TAF6: variants seen among roughly 807,000 people sequenced by gnomAD.
The protein encoded by TAF6 is transcription initiation factor TFIID subunit 6.
A neutral mutation model predicts 73.5 loss-of-function variants in TAF6; 50 were observed. The ratio of observed to expected loss-of-function variants is 0.68; its 90% CI spans 0.54 to 0.86. The LOEUF is 0.86. TAF6 is among the 40% of genes least tolerant of loss of function. The pLI, the probability that TAF6 is intolerant of heterozygous loss-of-function variation, is 0.00. For synonymous variants in TAF6, 424 were observed against 376.7 expected (o/e 1.13, Z -1.45); for missense variants, 768 against 899.5 (o/e 0.85, Z 1.87).
rs901087618 is a variant in TAF6, at chr7:100,119,304, T to C, written c.-160A>G. On this transcript the variant is annotated 5_prime_UTR_variant, in exon 1 of 15. Transcript: ENST00000453269. ...CCGAGCGCGGGGAGCAGGAAAACTC[T>C]AGCGGCAGCCGAGACGCTGCTCACC... The C allele has an allele frequency of 2.7e-4, 280 of 1,027,078 alleles. 1 individual carries two copies. The highest frequency in any genetic ancestry group is 4.6e-4 in the Admixed American group (8 of 17,460). The allele number at this position is 1,027,078 out of a possible 1,614,324, so 63.6% of individuals were successfully genotyped here. A position where few individuals can be genotyped will look rare whatever the true frequency, so the allele number is the denominator to read the frequency against.
rs1283387332 is a variant in TAF6, at chr7:100,107,172, GAGCA to G, written c.*70_*73del. 6.4e-5 allele frequency: 97 copies of G among 1,508,500 alleles called. No homozygotes were observed. In the South Asian group the frequency reaches 7.9e-4, roughly 12 times the overall value. The allele number at this position is 1,508,500 out of a possible 1,614,324, so 93.4% of individuals were successfully genotyped here. A position where few individuals can be genotyped will look rare whatever the true frequency, so the allele number is the denominator to read the frequency against. The stretch of plus-strand genomic sequence containing the variant: ...AATCTACAACTTCCTTCCGCTTAGC[GAGCA>G]TGCATGTGTGTACGTGCACGTGTGT... On this transcript the variant is annotated 3_prime_UTR_variant, in exon 15 of 15. Coordinates refer to ENST00000453269, the MANE Select transcript of TAF6 (RefSeq NM_139315.3).
intron 9 of TAF6, 94 bp from the exon 10 acceptor site, chr7:100,111,415 C>T (rs1482932386): frequency 1.6e-5 from 22 of 1,407,386 alleles, no homozygotes; most frequent in Non-Finnish European, 2.0e-5. Context: ...TGCAGGGACA[C>T]AATCATGGCT....
chr7:100,122,236 C>T (rs144817219), upstream of TAF6: 286 of 1,613,370 alleles, frequency 1.8e-4, no homozygotes, highest in East Asian at 5.4e-3. Flanking sequence ...TACCTCCCCC[C>T]GGACGTTTCT....
At chr7:100,119,522 T>C (rs1797954513), upstream of TAF6, 1 of 1,343,574 alleles carries the variant, frequency 7.4e-7, no homozygotes, top group Non-Finnish European at 9.9e-7. Flanking sequence ...TGCAATTTAT[T>C]CCTTCACTAC....
rs763387799 is a variant in TAF6 at position 100,110,245 on chromosome 7, C to T, written c.1113G>A (p.Thr371=). 19 of 1,613,940 alleles carry T rather than the reference C, an allele frequency of 1.2e-5. No individual in the cohort carries two copies. Among genetic ancestry groups the T allele is most frequent in the Non-Finnish European group, 1.4e-5 (16 of 1,180,004 alleles). ...AGCCTGCGATGGAGCCATAACGAGT[C>T]GTCCAGGGCGTCTTCTCGTCCACCC... ...KSWVDEKTPW[T]TRYGSIAGLA... is the part of the protein sequence containing the mutation. The change falls in exon 11 of 15, where the codon ACG becomes ACA. Residue 371 remains threonine (T), a synonymous_variant. Transcript: ENST00000453269.
upstream of TAF6, among the ~76,000 whole-genome samples, chr7:100,123,526 AT>A (rs997624893): frequency 9.8e-4 from 147 of 150,226 alleles, no homozygotes; most frequent in African/African-American, 3.1e-3. Context: ...ATTTTAAAGA[AT>A]TTTTTTTTTC....
intron 10 of TAF6, chr7:100,110,489 A>G (rs1276105235): frequency 1.5e-5 from 7 of 467,848 alleles, no homozygotes; most frequent in Admixed American, 3.3e-5. Flanking sequence ...CAACATGGTG[A>G]AACTCTGTCT....
At chr7:100,122,636 G>T, upstream of TAF6, 1 of 1,530,238 alleles carries the variant, frequency 6.5e-7, no homozygotes, top group Non-Finnish European at 8.9e-7. Context: ...TGTATCCCCT[G>T]AGGCCCTCCA....
chr7:100,114,421 C>T (rs1163346956), intron 1 of TAF6, 153 bp from the exon 2 acceptor site: 1 of 799,006 alleles, frequency 1.3e-6, no homozygotes, highest in Admixed American at 2.2e-5. Flanking sequence ...GAGAAAGATA[C>T]AAATCTGGGC....
chr7:100,125,912 C>T, the TAF6 span, among the ~76,000 whole-genome samples: 1 of 152,208 alleles, frequency 6.6e-6, no homozygotes, highest in East Asian at 1.9e-4. Context: ...GGCGGCTGGG[C>T]GCGGTGACTC....
Position 100,108,671 on chromosome 7 carries a change from C to A in TAF6, c.1285-131G>T. On this transcript the variant is annotated intron_variant, in intron 12 of 14. Transcript: ENST00000453269. ...AAGGACATTCCTTATCATCTCAGTG[C>A]CCCTGTTGAAGGCCAAATTATGCTG... 3 of 1,064,158 alleles carry A rather than the reference C, an allele frequency of 2.8e-6. No individual in the cohort carries two copies. The East Asian group carries it at 7.6e-5, about 27-fold the overall frequency. 65.9% of individuals were successfully genotyped at this position (1,064,158 alleles called of 1,614,324 possible).
chr7:100,127,142 C>T, the TAF6 span: 2 of 511,890 alleles, frequency 3.9e-6, no homozygotes, highest in East Asian at 3.5e-5. This position sits in a 1 kb window ranked among gnomAD's most constrained non-coding sequence, Gnocchi z 4.6. Flanking sequence ...ACGTACGTAC[C>T]GCGAACGGAA....
upstream of TAF6, chr7:100,124,798 G>T: frequency 6.3e-7 from 1 of 1,575,794 alleles, no homozygotes. Context: ...AGGAAGAGCA[G>T]GAGGAGGAGG....
At chr7:100,107,835 G>A in intron 14 of TAF6, 91 bp downstream of exon 14, 1 of 1,479,148 alleles carries the variant, frequency 6.8e-7, no homozygotes. Context: ...TTGGGGCCCA[G>A]AGGGGACTGT....
At chr7:100,121,877 T>G (rs10240965), upstream of TAF6, among the ~76,000 whole-genome samples, 1 of 150,930 alleles carries the variant, frequency 6.6e-6, no homozygotes, top group East Asian at 2.0e-4. Context: ...GGTGAAACCC[T>G]GTCTCTACTA....
rs1796594541 is a variant in TAF6, at chr7:100,107,182, G to A, written c.*64C>T. ...TTCCTTCCGCTTAGCGAGCATGCAT[G>A]TGTGTACGTGCACGTGTGTACATGT... On this transcript the variant is annotated 3_prime_UTR_variant, in exon 15 of 15. Coordinates refer to ENST00000453269, the MANE Select transcript of TAF6 (RefSeq NM_139315.3). 1 of 1,518,012 alleles carries A rather than the reference G, an allele frequency of 6.6e-7. No homozygotes were observed. The allele number at this position is 1,518,012 out of a possible 1,614,324, so 94.0% of individuals were successfully genotyped here. A position where few individuals can be genotyped will look rare whatever the true frequency, so the allele number is the denominator to read the frequency against.
chr7:100,111,406 G>T (rs1256832847), intron 9 of TAF6, 85 bp from the exon 10 acceptor site: 4 of 1,469,488 alleles, frequency 2.7e-6, no homozygotes, highest in Non-Finnish European at 3.7e-6. Context: ...AGGCTGGTGT[G>T]CAGGGACACA....
At chr7:100,121,761 A>G (rs1441399346), upstream of TAF6, among the ~76,000 whole-genome samples, 1 of 151,336 alleles carries the variant, frequency 6.6e-6, no homozygotes, top group Non-Finnish European at 1.5e-5. Context: ...TATAAAGATG[A>G]AGAAACCGGC....
At chr7:100,110,124 C>T (rs1312780363) in intron 11 of TAF6, 51 bp from the exon 12 acceptor site, 11 of 1,613,926 alleles carry the variant, frequency 6.8e-6, no homozygotes, top group Non-Finnish European at 9.3e-6. Flanking sequence ...CCAGGGTCTC[C>T]CAGATGGGGG....
Sources: gnomAD v4.1 joint callset for allele counts (sites outside exome capture counted in the v4.1 genomes callset) on GRCh38, gnomAD v4.1.1 for gene constraint, Gnocchi (gnomAD v3.1) non-coding constraint, MANE v1.5 for transcripts, NCBI Gene and HGNC (gene_info 2026-07-23, HGNC 2026-07-21) for gene names.